The following TMEM117 variants were observed in gnomAD, a reference collection of about 807,000 sequenced individuals.
TMEM117 encodes the protein transmembrane protein 117.
Under a neutral mutation model 52.4 loss-of-function variants are expected in TMEM117, and 27 were observed. The ratio of observed to expected loss-of-function variants is 0.51; its 90% CI spans 0.38 to 0.71. The LOEUF is 0.71. Ranked by LOEUF, TMEM117 falls within the 30% of genes least tolerant of loss-of-function variation. The pLI, the probability that TMEM117 is intolerant of heterozygous loss-of-function variation, is 0.00. For synonymous variants in TMEM117, 215 were observed against 206.3 expected (o/e 1.04, Z -0.36); for missense variants, 556 against 630.5 (o/e 0.88, Z 1.26).
chr12:44,137,529 T>C (rs780906659), intron 3 of TMEM117, among the ~76,000 whole-genome samples: 3 of 152,166 alleles, frequency 2.0e-5, no homozygotes, highest in Non-Finnish European at 2.9e-5. Context: ...ATTTTCACGC[T>C]GCTGATAAAG....
chr12:44,114,272 G>A (rs1346574614), intron 3 of TMEM117, among the ~76,000 whole-genome samples: 1 of 152,116 alleles, frequency 6.6e-6, no homozygotes, highest in African/African-American at 2.4e-5. Context: ...TTATTTTAAA[G>A]AAAAATGACA....
intron 7 of TMEM117, among the ~76,000 whole-genome samples, chr12:44,381,005 T>C (rs934206954): frequency 3.9e-5 from 6 of 152,200 alleles, no homozygotes; most frequent in South Asian, 4.1e-4. Flanking sequence ...GAGTATTTTT[T>C]TAATCCTGAT....
At chr12:43,820,225 G>A in the TMEM117 span, among the ~76,000 whole-genome samples, 1 of 152,128 alleles carries the variant, frequency 6.6e-6, no homozygotes, top group African/African-American at 2.4e-5. Context: ...AGGCTCCCAA[G>A]TAGCTGGGAC....
chr12:43,984,294 G>T (rs1945809388), intron 3 of TMEM117, among the ~76,000 whole-genome samples: 2 of 151,938 alleles, frequency 1.3e-5, no homozygotes, highest in African/African-American at 4.8e-5. Flanking sequence ...CTTAAACCCG[G>T]GATGTGGAGG....
chr12:44,017,340 T>G (rs1290971012), intron 3 of TMEM117, among the ~76,000 whole-genome samples: 1 of 150,160 alleles, frequency 6.7e-6, no homozygotes, highest in East Asian at 1.9e-4. Context: ...TTTTTTTTTT[T>G]TTTTTGGTGA....
chr12:43,847,220 G>T (rs909117174), intron 2 of TMEM117, among the ~76,000 whole-genome samples: 15 of 152,198 alleles, frequency 9.9e-5, no homozygotes, highest in African/African-American at 3.6e-4. Flanking sequence ...GAAGGTTTCT[G>T]TGGTCTGGGA....
intron 2 of TMEM117, among the ~76,000 whole-genome samples, chr12:43,861,433 CCT>C: frequency 6.6e-6 from 1 of 152,146 alleles, no homozygotes; most frequent in East Asian, 1.9e-4. Context: ...GGGTTGCTCC[CCT>C]GCTTCTATTT....
chr12:44,303,821 GACTTC>G (rs1203872154), intron 6 of TMEM117, among the ~76,000 whole-genome samples: 1 of 152,090 alleles, frequency 6.6e-6, no homozygotes, highest in Non-Finnish European at 1.5e-5. Context: ...TAAAAGTGCA[GACTTC>G]ACCACTACAC....
intron 3 of TMEM117, among the ~76,000 whole-genome samples, chr12:44,107,603 A>G (rs971576042): frequency 2.0e-5 from 3 of 152,186 alleles, no homozygotes; most frequent in Admixed American, 6.5e-5. Flanking sequence ...AAGGGTAAAC[A>G]GCACAGACTG....
At chr12:43,840,285 T>C (rs1371508129) in intron 1 of TMEM117, among the ~76,000 whole-genome samples, 1 of 152,222 alleles carries the variant, frequency 6.6e-6, no homozygotes, top group African/African-American at 2.4e-5. Flanking sequence ...ATTTGTAAAA[T>C]GAGGAAAATA....
chr12:44,135,743 T>C (rs1172818902), intron 3 of TMEM117, among the ~76,000 whole-genome samples: 3 of 152,226 alleles, frequency 2.0e-5, no homozygotes, highest in Non-Finnish European at 4.4e-5. Context: ...GTCTCATTTT[T>C]CAGGTTTCTT....
At chr12:43,892,330 G>T (rs1323731322) in intron 2 of TMEM117, among the ~76,000 whole-genome samples, 1 of 152,146 alleles carries the variant, frequency 6.6e-6, no homozygotes, top group African/African-American at 2.4e-5. Flanking sequence ...AGGAAAACTT[G>T]TTAGAGACTC....
chr12:44,280,105 T>TA (rs1950560057), intron 5 of TMEM117, among the ~76,000 whole-genome samples: 1 of 152,168 alleles, frequency 6.6e-6, no homozygotes, highest in Admixed American at 6.5e-5. Flanking sequence ...TTATTTTTTT[T>TA]ACCTGAAAAA....
chr12:44,313,457 A>G (rs1421058297), intron 6 of TMEM117, among the ~76,000 whole-genome samples: 1 of 152,048 alleles, frequency 6.6e-6, no homozygotes, highest in African/African-American at 2.4e-5. Flanking sequence ...TTTCAGATCT[A>G]TTATTCTGTC....
Position 43,864,336 on chromosome 12 carries a change from T to A in TMEM117, c.277+19408T>A, listed in dbSNP as rs113553295. Among the ~76,000 whole-genome samples, 1,153 of 152,320 alleles carry A rather than the reference T, an allele frequency of 7.6e-3. 24 individuals carry two copies. The highest frequency in any genetic ancestry group is 0.026 in the African/African-American group (1,077 of 41,566). On this transcript the variant is annotated intron_variant, in intron 2 of 7. Coordinates refer to ENST00000266534, the MANE Select transcript of TMEM117 (RefSeq NM_032256.3). Reference sequence around the variant, plus strand: ...CTCTATCTGCAGCCCCAGTGCGAGATCCACTGGGTGAAGCCAGCTGGGCTT... The same window carrying A: ...CTCTATCTGCAGCCCCAGTGCGAGAACCACTGGGTGAAGCCAGCTGGGCTT...
At chr12:43,870,601 G>T (rs191793055) in intron 2 of TMEM117, among the ~76,000 whole-genome samples, 57 of 151,938 alleles carry the variant, frequency 3.8e-4, no homozygotes, top group African/African-American at 1.3e-3. Flanking sequence ...TATTCTTTTG[G>T]GTATATACCC....
intron 6 of TMEM117, among the ~76,000 whole-genome samples, chr12:44,352,489 C>G (rs573739186): frequency 6.6e-6 from 1 of 152,120 alleles, no homozygotes; most frequent in East Asian, 1.9e-4. Context: ...TGTTCCCCTT[C>G]CTGTGTCCAT....
chr12:44,069,204 G>C (rs2137976901), intron 3 of TMEM117, among the ~76,000 whole-genome samples: 1 of 152,130 alleles, frequency 6.6e-6, no homozygotes, highest in Non-Finnish European at 1.5e-5. Context: ...TTATGGTTCT[G>C]AAAAAAATAA....
chr12:43,806,566 G>T, the TMEM117 span, among the ~76,000 whole-genome samples: 14 of 152,086 alleles, frequency 9.2e-5, no homozygotes, highest in Non-Finnish European at 2.1e-4. Context: ...GTGCTCCGAC[G>T]TCTGCTCTCT....
Sources: allele counts gnomAD v4.1 joint callset (sites outside exome capture counted in the v4.1 genomes callset), GRCh38; gene constraint gnomAD v4.1.1; transcripts MANE v1.5; gene names NCBI Gene and HGNC (gene_info 2026-07-23, HGNC 2026-07-21).